Variants in SCN10A observed in about 807,000 individuals in gnomAD.
SCN10A encodes the protein sodium channel protein type 10 subunit alpha.
SCN10A carries 162 observed loss-of-function variants against 170.7 expected under a neutral mutation model. That is an observed-to-expected ratio of 0.95 (90% CI 0.84 to 1.08). SCN10A has a LOEUF of 1.08. Among genes scored for constraint, SCN10A ranks in the 50% least tolerant of loss-of-function variants. The probability of loss-of-function intolerance (pLI) is 0.00; values close to 1 mark genes in which losing one functional copy is unlikely to be tolerated. For missense variants in SCN10A, 2,527 were observed against 2,436.9 expected (o/e 1.04, Z -0.78); for synonymous variants, 985 against 904.6 (o/e 1.09, Z -1.59).
chr3:38,714,782 T>G (rs2063313380), intron 21 of SCN10A, among the ~76,000 whole-genome samples: 1 of 152,334 alleles, frequency 6.6e-6, no homozygotes, highest in African/African-American at 2.4e-5. Context: ...TCTGTCAGTT[T>G]TCTTTAAGTG....
At chr3:38,738,885 T>C (rs1238920194) in intron 15 of SCN10A, among the ~76,000 whole-genome samples, 2 of 152,142 alleles carry the variant, frequency 1.3e-5, no homozygotes, top group Non-Finnish European at 1.5e-5. Context: ...TCATTGCATG[T>C]GAGTGAGACT....
chr3:38,798,724 A>G (rs2064354451), intron 1 of SCN10A, among the ~76,000 whole-genome samples: 1 of 147,380 alleles, frequency 6.8e-6, no homozygotes. Context: ...AAGCCTTTCT[A>G]TTCGGTGGGC....
intron 3 of SCN10A, among the ~76,000 whole-genome samples, chr3:38,791,105 C>T (rs2064275124): frequency 6.6e-6 from 1 of 152,104 alleles, no homozygotes; most frequent in Non-Finnish European, 1.5e-5. Context: ...GGGTAGAACT[C>T]TTTTTTACTG....
intron 4 of SCN10A, among the ~76,000 whole-genome samples, chr3:38,775,067 A>G (rs578196436): frequency 4.4e-4 from 67 of 152,336 alleles, no homozygotes; most frequent in Middle Eastern, 6.8e-3. Context: ...TCTTTTAAAA[A>G]AAAGTTTTGG....
chr3:38,774,156 A>G (rs1353529093), intron 4 of SCN10A, among the ~76,000 whole-genome samples: 1 of 152,138 alleles, frequency 6.6e-6, no homozygotes, highest in African/African-American at 2.4e-5. Context: ...TCATTTAGGA[A>G]TCTATATCTG....
At chr3:38,784,634 C>T (rs1434777783) in intron 4 of SCN10A, among the ~76,000 whole-genome samples, 3 of 151,938 alleles carry the variant, frequency 2.0e-5, no homozygotes, top group African/African-American at 4.8e-5. Flanking sequence ...CTGGCCAGGG[C>T]GATCAGGCAA....
At chr3:38,746,100 T>TATATATATCTA (rs71085336) in intron 13 of SCN10A, among the ~76,000 whole-genome samples, 2 of 99,818 alleles carry the variant, frequency 2.0e-5, no homozygotes, top group African/African-American at 3.6e-5. Flanking sequence ...TATATATATA[T>TATATATATCTA]GCCATCTTTG....
Position 38,698,162 on chromosome 3 carries a change from A to G in SCN10A, c.5058T>C (p.Asn1686=). The part of the protein sequence containing the change: ...PYCDPNLPNS[N]GTRGDCGSPA... Reference sequence around the variant, plus strand: ...GGCTCCCACAGTCCCCTCTGGTGCCATTGCTGTTGGGCAGATTGGGGTCAC... The same window carrying G: ...GGCTCCCACAGTCCCCTCTGGTGCCGTTGCTGTTGGGCAGATTGGGGTCAC... Residue 1686 remains asparagine (N), a synonymous_variant, in exon 28 of 28, where the codon AAT becomes AAC. Coordinates refer to ENST00000449082, the MANE Select transcript of SCN10A (RefSeq NM_006514.4). 1 of 1,614,104 alleles carries G rather than the reference A, an allele frequency of 6.2e-7. No individual in the cohort carries two copies. Among genetic ancestry groups the G allele is most frequent in the Non-Finnish European group, 8.5e-7 (1 of 1,180,010 alleles).
At chr3:38,722,611 A>G (rs771423403) in intron 19 of SCN10A, among the ~76,000 whole-genome samples, 199 bp from the exon 20 acceptor site, 8 of 152,168 alleles carry the variant, frequency 5.3e-5, no homozygotes, top group Admixed American at 1.3e-4. Flanking sequence ...CCTCTCCATC[A>G]TCAGTCTTGC....
intron 1 of SCN10A, among the ~76,000 whole-genome samples, chr3:38,796,058 G>A (rs1161006005): frequency 6.6e-6 from 1 of 152,064 alleles, no homozygotes; most frequent in Non-Finnish European, 1.5e-5. Context: ...GTAGCTCTCA[G>A]AAGTCCATGG....
chr3:38,725,242 A>T lies in SCN10A; in HGVS notation c.3160T>A (p.Ser1054Thr). The T allele has an allele frequency of 6.2e-7, 1 of 1,607,042 alleles. No homozygotes were observed. The highest frequency in any genetic ancestry group is 8.5e-7 in the Non-Finnish European group (1 of 1,174,862). The change falls in exon 18 of 28, where the codon TCT becomes ACT. Residue 1054 changes from serine to threonine, a missense_variant. Coordinates refer to ENST00000449082, the MANE Select transcript of SCN10A (RefSeq NM_006514.4). ...TPRSPGTGTS[S>T]EDLAPSLGET... Reference sequence around the variant, plus strand: ...CCCAGGGATGGAGCCAGGTCCTCAGAAGATGTTCCAGTGCCTGGGCTCCTG... The same window carrying T: ...CCCAGGGATGGAGCCAGGTCCTCAGTAGATGTTCCAGTGCCTGGGCTCCTG...
intron 3 of SCN10A, among the ~76,000 whole-genome samples, chr3:38,790,088 T>C (rs1219031404): frequency 6.6e-6 from 1 of 152,130 alleles, no homozygotes; most frequent in Non-Finnish European, 1.5e-5. Flanking sequence ...TTAAACCACA[T>C]TTTCCTGCTG....
At position 38,728,586 on chromosome 3, in the gene SCN10A, A is replaced by C; in HGVS notation, c.2596T>G (p.Cys866Gly). ...ATCACCGTCAAGAAAAGGATGAGGCATATGGATTTTTGGCCAACTTCCATG... is the reference window on the plus strand; with the variant it reads ...ATCACCGTCAAGAAAAGGATGAGGCCTATGGATTTTTGGCCAACTTCCATG... Reference protein sequence around the residue: ...ACMEVGQKSICLILFLTVMVL... With the variant: ...ACMEVGQKSIGLILFLTVMVL... The change falls in exon 16 of 28, where the codon TGC becomes GGC. Residue 866 changes from cysteine to glycine, a missense_variant. Coordinates refer to ENST00000449082, the MANE Select transcript of SCN10A (RefSeq NM_006514.4). The C allele has an allele frequency of 2.5e-6, 4 of 1,609,956 alleles. No individual in the cohort carries two copies. Among genetic ancestry groups the C allele is most frequent in the Non-Finnish European group, 3.4e-6 (4 of 1,176,826 alleles).
intron 22 of SCN10A, 146 bp from the exon 23 acceptor site, chr3:38,712,591 T>C: frequency 4.0e-6 from 3 of 750,078 alleles, no homozygotes; most frequent in Non-Finnish European, 6.5e-6. Context: ...AGTGCAATAA[T>C]TCAGACTCAG....
intron 5 of SCN10A, 99 bp from the exon 6 acceptor site, chr3:38,763,695 G>C: frequency 1.2e-6 from 1 of 844,328 alleles, no homozygotes. Flanking sequence ...AGCCTAGAAA[G>C]GATGCAGAAT....
At position 38,722,298 on chromosome 3, in the gene SCN10A, C is replaced by T. The variant is rs779538718; in HGVS notation, c.3467G>A (p.Ser1156Asn). The T allele has an allele frequency of 1.2e-6, 2 of 1,614,112 alleles. No individual in the cohort carries two copies. Among genetic ancestry groups the T allele is most frequent in the Admixed American group, 1.7e-5 (1 of 60,026 alleles). The change falls in exon 20 of 28, where the codon AGC becomes AAC. Residue 1156 changes from serine (S) to asparagine (N), a missense_variant. Physicochemically the swap from Ser to Asn is conservative, Grantham distance 46 (BLOSUM62 1). Coordinates refer to ENST00000449082, the MANE Select transcript of SCN10A (RefSeq NM_006514.4). ...GAGCAGGATCATGAAGATGATGAAGCTCTCAAACCAGCTGTGCTCCACGAT... is the reference window on the plus strand; with the variant it reads ...GAGCAGGATCATGAAGATGATGAAGTTCTCAAACCAGCTGTGCTCCACGAT... The part of the protein sequence containing the change: ...YRIVEHSWFE[S>N]FIIFMILLSS...
intron 15 of SCN10A, among the ~76,000 whole-genome samples, chr3:38,730,703 T>A (rs2063505369): frequency 6.6e-6 from 1 of 151,964 alleles, no homozygotes; most frequent in Non-Finnish European, 1.5e-5. Flanking sequence ...CTCTTAGAAA[T>A]GAAAAATATA....
At chr3:38,808,267 T>C (rs917005320) in intron 1 of SCN10A, among the ~76,000 whole-genome samples, 15 of 152,040 alleles carry the variant, frequency 9.9e-5, no homozygotes, top group African/African-American at 3.6e-4. Flanking sequence ...CTCTCAGCAA[T>C]GCTTTTGTCC....
At chr3:38,716,554 A>G (rs140586646) in intron 21 of SCN10A, among the ~76,000 whole-genome samples, 1 of 152,300 alleles carries the variant, frequency 6.6e-6, no homozygotes, top group Non-Finnish European at 1.5e-5. Flanking sequence ...TCTTTTATAA[A>G]TTGCCCAGTC....
Sources: gnomAD v4.1 joint callset for allele counts (sites outside exome capture counted in the v4.1 genomes callset) on GRCh38, gnomAD v4.1.1 for gene constraint, MANE v1.5 for transcripts, NCBI Gene and HGNC (gene_info 2026-07-23, HGNC 2026-07-21) for gene names.